The following ADAMTSL1 variants were observed in gnomAD, a reference collection of about 807,000 sequenced individuals.
The protein encoded by ADAMTSL1 is ADAMTS like 1, also known as ADAMTS-like protein 1.
In ADAMTSL1, 126 loss-of-function variants were observed where a neutral mutation model predicts 201.8. The ratio of observed to expected loss-of-function variants is 0.62; its 90% CI spans 0.54 to 0.72. ADAMTSL1 has a LOEUF of 0.72. ADAMTSL1 is among the 30% of genes least tolerant of loss of function. The probability of loss-of-function intolerance (pLI) is 0.00; values close to 1 mark genes in which losing one functional copy is unlikely to be tolerated. For synonymous variants in ADAMTSL1, 1,121 were observed against 903.4 expected (o/e 1.24, Z -4.32); for missense variants, 2,679 against 2,277.8 (o/e 1.18, Z -3.59).
chr9:18,585,468 G>T (rs984911781), intron 4 of ADAMTSL1, among the ~76,000 whole-genome samples: 2 of 152,024 alleles, frequency 1.3e-5, no homozygotes, highest in Non-Finnish European at 2.9e-5. Flanking sequence ...TGCTTCTTCT[G>T]CCAATTCTGT....
At chr9:18,590,488 G>T (rs1040898917) in intron 4 of ADAMTSL1, among the ~76,000 whole-genome samples, 1 of 151,458 alleles carries the variant, frequency 6.6e-6, no homozygotes, top group South Asian at 2.1e-4. Context: ...TTGACCTTTT[G>T]TATTAGTTTT....
intron 2 of ADAMTSL1, among the ~76,000 whole-genome samples, chr9:18,385,939 C>T (rs1034605919): frequency 2.0e-5 from 3 of 152,166 alleles, no homozygotes; most frequent in African/African-American, 7.2e-5. Context: ...GGTTTCTCCC[C>T]ACTTGCACCT....
intron 2 of ADAMTSL1, among the ~76,000 whole-genome samples, chr9:18,176,122 T>C (rs1828142554): frequency 6.6e-6 from 1 of 152,052 alleles, no homozygotes; most frequent in Admixed American, 6.6e-5. Context: ...GTGGTCTTGT[T>C]TCAAGAATGT....
chr9:18,126,183 C>A (rs1311734554), intron 1 of ADAMTSL1, among the ~76,000 whole-genome samples: 2 of 152,126 alleles, frequency 1.3e-5, no homozygotes, highest in African/African-American at 4.8e-5. Context: ...TTTTCTTTAA[C>A]AATTATCTTA....
At chr9:18,494,453 G>A (rs1261050215) in intron 1 of ADAMTSL1, among the ~76,000 whole-genome samples, 4 of 152,058 alleles carry the variant, frequency 2.6e-5, no homozygotes, top group African/African-American at 9.7e-5. Flanking sequence ...GCAGGAGCAG[G>A]AGTACACAAG....
chr9:18,781,806 A>G (rs1372902313), intron 19 of ADAMTSL1, among the ~76,000 whole-genome samples: 2 of 152,228 alleles, frequency 1.3e-5, no homozygotes, highest in Non-Finnish European at 2.9e-5. Context: ...TCCTCCAAAT[A>G]GCATGAGCCA....
chr9:17,988,197 A>G (rs1819002415), intron 1 of ADAMTSL1, among the ~76,000 whole-genome samples: 1 of 152,072 alleles, frequency 6.6e-6, no homozygotes, highest in South Asian at 2.1e-4. Flanking sequence ...TTTATTCCTC[A>G]AGATTCCTTT....
At chr9:18,579,522 A>G (rs1822964149) in intron 4 of ADAMTSL1, among the ~76,000 whole-genome samples, 1 of 152,182 alleles carries the variant, frequency 6.6e-6, no homozygotes, top group African/African-American at 2.4e-5. Flanking sequence ...AAAAAAAATA[A>G]AGTGCTTACT....
chr9:18,636,079 T>A, intron 6 of ADAMTSL1, 62 bp downstream of exon 6: 1 of 1,363,682 alleles, frequency 7.3e-7, no homozygotes, highest in Non-Finnish European at 1.0e-6. Context: ...ATTTATTTTG[T>A]CTTCCCAGAA....
intron 1 of ADAMTSL1, among the ~76,000 whole-genome samples, chr9:18,043,598 A>G (rs185624101): frequency 1.6e-4 from 25 of 152,130 alleles, no homozygotes; most frequent in Non-Finnish European, 3.4e-4. Context: ...GCTTATGGAG[A>G]CGGGTGTTCC....
intron 26 of ADAMTSL1, among the ~76,000 whole-genome samples, chr9:18,898,294 A>G (rs906567912): frequency 6.6e-6 from 1 of 152,236 alleles, no homozygotes; most frequent in African/African-American, 2.4e-5. Context: ...GGAGCTGGTA[A>G]CCAGAATAGC....
At chr9:17,985,778 C>T (rs761510133) in intron 1 of ADAMTSL1, among the ~76,000 whole-genome samples, 3 of 152,100 alleles carry the variant, frequency 2.0e-5, no homozygotes, top group Non-Finnish European at 4.4e-5. Flanking sequence ...CATGGAGGTT[C>T]TGATGTATAT....
At chr9:18,753,562 A>C in intron 16 of ADAMTSL1, 54 bp downstream of exon 16, 2 of 1,547,716 alleles carry the variant, frequency 1.3e-6, no homozygotes, top group Non-Finnish European at 1.7e-6. Flanking sequence ...AGTGACTCAA[A>C]AAAGGGATGC....
chr9:18,600,851 G>C (rs1202836676), intron 4 of ADAMTSL1, among the ~76,000 whole-genome samples: 1 of 152,126 alleles, frequency 6.6e-6, no homozygotes, highest in Non-Finnish European at 1.5e-5. Context: ...TGTTTCAAAA[G>C]AAAAAGAATA....
At chr9:18,374,777 G>C (rs1251210315) in intron 2 of ADAMTSL1, among the ~76,000 whole-genome samples, 2 of 152,160 alleles carry the variant, frequency 1.3e-5, no homozygotes, top group Non-Finnish European at 1.5e-5. Flanking sequence ...AAAGCAGTAG[G>C]CTTGTCCATT....
chr9:18,087,801 A>G (rs1294707672), intron 1 of ADAMTSL1, among the ~76,000 whole-genome samples: 2 of 152,282 alleles, frequency 1.3e-5, no homozygotes, highest in East Asian at 1.9e-4. Context: ...TTGTATTGCT[A>G]AGGTTCTTGG....
intron 2 of ADAMTSL1, among the ~76,000 whole-genome samples, chr9:18,521,842 A>T (rs1454109920): frequency 6.6e-6 from 1 of 152,226 alleles, no homozygotes; most frequent in African/African-American, 2.4e-5. Flanking sequence ...AAAGCTAAGA[A>T]AAAGATTAGA....
At chr9:18,001,203 T>C (rs532434154) in intron 1 of ADAMTSL1, among the ~76,000 whole-genome samples, 1 of 152,000 alleles carries the variant, frequency 6.6e-6, no homozygotes, top group Admixed American at 6.6e-5. Context: ...AAAAAATTGA[T>C]GAAAGTGGTA....
intron 1 of ADAMTSL1, among the ~76,000 whole-genome samples, chr9:17,996,685 C>T (rs1425700563): frequency 6.6e-6 from 1 of 151,936 alleles, no homozygotes; most frequent in African/African-American, 2.4e-5. Context: ...CTATTCCTTT[C>T]CCTCCCTCAG....
Sources: allele counts gnomAD v4.1 joint callset (sites outside exome capture counted in the v4.1 genomes callset), GRCh38; gene constraint gnomAD v4.1.1; transcripts MANE v1.5; gene names NCBI Gene and HGNC (gene_info 2026-07-23, HGNC 2026-07-21).